The following TMEM181 variants were observed in gnomAD, a reference collection of about 807,000 sequenced individuals.
TMEM181 encodes G protein-coupled receptor 178.
TMEM181 carries 39 observed loss-of-function variants against 71.9 expected under a neutral mutation model. That is an observed-to-expected ratio of 0.54 (90% CI 0.42 to 0.71). The LOEUF is 0.71. Ranked by LOEUF, TMEM181 falls within the 30% of genes least tolerant of loss-of-function variation. The probability of loss-of-function intolerance (pLI) is 0.00; values close to 1 mark genes in which losing one functional copy is unlikely to be tolerated. For synonymous variants in TMEM181, 245 were observed against 228.8 expected, an observed-to-expected ratio of 1.07 and a Z score of -0.64; for missense variants, 595 against 583.0, an observed-to-expected ratio of 1.02 and a Z score of -0.21.
chr6:158,547,839 A>G (rs1781582562), intron 1 of TMEM181, among the ~76,000 whole-genome samples: 1 of 144,776 alleles, frequency 6.9e-6, no homozygotes, highest in South Asian at 2.2e-4. Flanking sequence ...GTGAGTCGAT[A>G]TCACGCCATT....
chr6:158,580,134 C>T (rs957856463), intron 2 of TMEM181, among the ~76,000 whole-genome samples: 1 of 152,068 alleles, frequency 6.6e-6, no homozygotes, highest in Admixed American at 6.5e-5. Flanking sequence ...AGTTCGAGAC[C>T]AGCCTGACCA....
rs539875913 is a variant in TMEM181 at position 158,580,222 on chromosome 6, C to T, written c.113-718C>T. On this transcript the variant is annotated intron_variant, in intron 2 of 16. Transcript: ENST00000684151. ...GCGCATGCCTGTAATCCCAGTTACTCGGGAGGCTGAGGCAGGAGAAGTGCT... is the reference window on the plus strand; with the variant it reads ...GCGCATGCCTGTAATCCCAGTTACTTGGGAGGCTGAGGCAGGAGAAGTGCT... Among the ~76,000 whole-genome samples, 18 of 151,608 alleles carry T rather than the reference C, an allele frequency of 1.2e-4. 1 individual carries two copies. Among genetic ancestry groups the T allele is most frequent in the South Asian group, 1.0e-3 (5 of 4,796 alleles).
intron 10 of TMEM181, chr6:158,611,200 T>G (rs1430966938): frequency 3.9e-6 from 2 of 517,116 alleles, no homozygotes; most frequent in Admixed American, 4.1e-5. Flanking sequence ...CCTTCTCCAC[T>G]GACCTCTGGG....
rs138335736 is a variant in TMEM181, at chr6:158,620,641, G to A, written c.897-2909G>A. Among the ~76,000 whole-genome samples, 77 of 151,960 alleles carry A rather than the reference G, an allele frequency of 5.1e-4. No individual in the cohort carries two copies. Among genetic ancestry groups the A allele is most frequent in the Non-Finnish European group, 7.9e-4 (54 of 67,952 alleles). ...GGGGAGTAGCCCCCGCCCGAGCCTC[G>A]CAGTCCCCTTCAGATTAGTTGTCCT... On this transcript the variant is annotated intron_variant, in intron 10 of 16. Coordinates refer to ENST00000684151, the MANE Select transcript of TMEM181 (RefSeq NM_001376852.1). This position sits in a 1 kb window ranked among gnomAD's most constrained non-coding sequence, Gnocchi z 4.5.
At chr6:158,631,694 A>C (rs1786673271) in intron 16 of TMEM181, 116 bp from the exon 17 acceptor site, 1 of 1,233,628 alleles carries the variant, frequency 8.1e-7, no homozygotes, top group South Asian at 1.4e-5. Context: ...TTGGTGATAG[A>C]AAATTGAAAG....
chr6:158,598,282 CCT>C (rs1407852184), intron 6 of TMEM181, among the ~76,000 whole-genome samples: 1 of 152,180 alleles, frequency 6.6e-6, no homozygotes, highest in African/African-American at 2.4e-5. Context: ...CGCATTTTTT[CCT>C]CTGATTAAGT....
intron 1 of TMEM181, among the ~76,000 whole-genome samples, chr6:158,564,851 AAC>A (rs1224541731): frequency 1.3e-5 from 2 of 152,220 alleles, no homozygotes; most frequent in African/African-American, 4.8e-5. Context: ...AAATAAAAAC[AAC>A]AGTGTGAGAA....
intron 13 of TMEM181, chr6:158,626,824 ACAC>A: frequency 2.5e-6 from 1 of 399,612 alleles, no homozygotes; most frequent in South Asian, 1.7e-5. Flanking sequence ...ACCCTCACAC[ACAC>A]ACCTTCACAC....
intron 12 of TMEM181, 138 bp from the exon 13 acceptor site, chr6:158,625,565 T>A: frequency 1.3e-6 from 1 of 750,718 alleles, no homozygotes. Context: ...TCTCCTAGGC[T>A]GCTGGCGACT....
chr6:158,622,311 G>C (rs1786011549), intron 10 of TMEM181, among the ~76,000 whole-genome samples: 1 of 152,208 alleles, frequency 6.6e-6, no homozygotes, highest in African/African-American at 2.4e-5. Context: ...TGATGATGAT[G>C]TGAGATGCCC....
At chr6:158,602,389 C>T (rs1784717663) in intron 6 of TMEM181, among the ~76,000 whole-genome samples, 1 of 152,180 alleles carries the variant, frequency 6.6e-6, no homozygotes, top group Admixed American at 6.5e-5. Flanking sequence ...GCTTTCATTT[C>T]TCTTGGATAA....
chr6:158,586,398 A>G (rs1181539064), intron 5 of TMEM181, among the ~76,000 whole-genome samples: 1 of 152,226 alleles, frequency 6.6e-6, no homozygotes, highest in Non-Finnish European at 1.5e-5. Context: ...TGTCATGCCA[A>G]GTACCGTCCA....
chr6:158,561,929 G>A (rs1438817613), intron 1 of TMEM181, among the ~76,000 whole-genome samples: 2 of 152,208 alleles, frequency 1.3e-5, no homozygotes, highest in Non-Finnish European at 2.9e-5. Flanking sequence ...AAACAAGCCT[G>A]AAAATCCGAA....
chr6:158,631,784 G>C (rs770859873), intron 16 of TMEM181, 26 bp from the exon 17 acceptor site: 29 of 1,578,172 alleles, frequency 1.8e-5, no homozygotes, highest in Non-Finnish European at 2.4e-5. Flanking sequence ...GAAGTTAGAC[G>C]GTCTCAAAGG....
chr6:158,565,794 G>A (rs1446796119), intron 1 of TMEM181, among the ~76,000 whole-genome samples: 2 of 152,106 alleles, frequency 1.3e-5, no homozygotes, highest in Non-Finnish European at 2.9e-5. Flanking sequence ...CCTGAAAACT[G>A]GTGCAGCGTG....
chr6:158,602,066 A>G (rs1316243137), intron 6 of TMEM181, among the ~76,000 whole-genome samples: 2 of 152,124 alleles, frequency 1.3e-5, no homozygotes, highest in African/African-American at 4.8e-5. Context: ...ACCCCTAAAC[A>G]TCTTCTTGTG....
At chr6:158,556,333 C>T (rs1005176281), upstream of TMEM181, among the ~76,000 whole-genome samples, 1 of 152,272 alleles carries the variant, frequency 6.6e-6, no homozygotes, top group East Asian at 1.9e-4. Context: ...ACTTCCTTCC[C>T]GTAGTGATCC....
chr6:158,540,631 C>T (rs1781305096), intron 1 of TMEM181, among the ~76,000 whole-genome samples: 1 of 152,248 alleles, frequency 6.6e-6, no homozygotes, highest in Non-Finnish European at 1.5e-5. Context: ...AAATACAAAA[C>T]TTAGCTGGGC....
chr6:158,611,226 C>T (rs765827271), intron 10 of TMEM181: 10 of 502,366 alleles, frequency 2.0e-5, no homozygotes, highest in Non-Finnish European at 3.7e-5. Flanking sequence ...CTATCCTTCT[C>T]AGCAGGGGTG....
Sources: allele counts gnomAD v4.1 joint callset (sites outside exome capture counted in the v4.1 genomes callset), GRCh38; gene constraint gnomAD v4.1.1; non-coding constraint Gnocchi (gnomAD v3.1); transcripts MANE v1.5; gene names NCBI Gene and HGNC (gene_info 2026-07-23, HGNC 2026-07-21).